The following NRXN3 variants were observed in gnomAD, a reference collection of about 807,000 sequenced individuals.
The protein encoded by NRXN3 is neurexin III.
NRXN3 carries 32 observed loss-of-function variants against 137.6 expected under a neutral mutation model. The observed-to-expected ratio is 0.23, with a 90% CI of 0.18 to 0.31. NRXN3 has a LOEUF of 0.31. Ranked by LOEUF, NRXN3 falls within the 10% of genes least tolerant of loss-of-function variation. The pLI, the probability that NRXN3 is intolerant of heterozygous loss-of-function variation, is 1.00. For missense variants in NRXN3, 1,574 were observed against 2,062.5 expected, an observed-to-expected ratio of 0.76 and a Z score of 4.59; for synonymous variants, 798 against 784.5, an observed-to-expected ratio of 1.02 and a Z score of -0.29.
At chr14:79,498,351 C>A (rs1291560948) in intron 16 of NRXN3, among the ~76,000 whole-genome samples, 3 of 152,110 alleles carry the variant, frequency 2.0e-5, no homozygotes, top group African/African-American at 7.2e-5. Flanking sequence ...ATGATCATTT[C>A]TTTCCTGCTT....
intron 10 of NRXN3, among the ~76,000 whole-genome samples, chr14:78,935,380 TC>T (rs1274915924): frequency 1.3e-4 from 20 of 152,302 alleles, no homozygotes; most frequent in African/African-American, 4.1e-4. Context: ...TATAGAGCCA[TC>T]CCTTGGTATC....
At position 79,656,617 on chromosome 14, in the gene NRXN3, T is replaced by TC. The variant is rs1491176345; in HGVS notation, c.3445-7161_3445-7160insC. ...CTGTCATCCCTACTCTCTCTCTCTCTTTTTTTTTTTTTTTTGCTTGGAGTC... is the reference window on the plus strand; with the variant it reads ...CTGTCATCCCTACTCTCTCTCTCTCTCTTTTTTTTTTTTTTTGCTTGGAGTC... On this transcript the variant is annotated intron_variant, in intron 16 of 20. Coordinates refer to ENST00000335750, the MANE Select transcript of NRXN3 (RefSeq NM_001330195.2). Among the ~76,000 whole-genome samples the TC allele has an allele frequency of 4.7e-3, 389 of 82,898 alleles. 2 individuals are homozygous for TC. The highest frequency in any genetic ancestry group is 0.018 in the African/African-American group (349 of 19,280). 54.4% of individuals were successfully genotyped at this position (82,898 alleles called of 152,430 possible). A position where few individuals can be genotyped will look rare whatever the true frequency, so the allele number is the denominator to read the frequency against.
At chr14:78,465,920 C>T (rs973303170) in intron 4 of NRXN3, among the ~76,000 whole-genome samples, 12 of 151,874 alleles carry the variant, frequency 7.9e-5, no homozygotes, top group Non-Finnish European at 1.2e-4. Flanking sequence ...GACGCGATCT[C>T]GGCTCACTGC....
At chr14:79,606,678 G>A (rs1251943944) in intron 16 of NRXN3, among the ~76,000 whole-genome samples, 2 of 152,152 alleles carry the variant, frequency 1.3e-5, no homozygotes, top group Non-Finnish European at 2.9e-5. Context: ...AATGGGTTGT[G>A]CACAGGTACT....
intron 1 of NRXN3, among the ~76,000 whole-genome samples, chr14:78,228,232 C>G (rs1022835941): frequency 6.6e-6 from 1 of 150,662 alleles, no homozygotes; most frequent in African/African-American, 2.4e-5. Flanking sequence ...TCTCCGCTCA[C>G]TGTAACCTCC....
intron 19 of NRXN3, among the ~76,000 whole-genome samples, chr14:79,800,835 A>G (rs1020777456): frequency 1.1e-4 from 17 of 152,346 alleles, no homozygotes; most frequent in African/African-American, 3.6e-4. Context: ...TTTGAATCCA[A>G]TTGCCATTAA....
At position 79,335,593 on chromosome 14, in the gene NRXN3, C is replaced by G. The variant is rs572059881; in HGVS notation, c.3263-131628C>G. On this transcript the variant is annotated intron_variant, in intron 15 of 20. Coordinates refer to ENST00000335750, the MANE Select transcript of NRXN3 (RefSeq NM_001330195.2). ...TACAAAATATACATATATTTTTCCA[C>G]ATCTGAAGGGTAAAGGAATTGTAAT... Among the ~76,000 whole-genome samples the G allele has an allele frequency of 3.3e-5, 5 of 152,110 alleles. No individual in the cohort carries two copies. The East Asian group carries it at 9.6e-4, about 29-fold the overall frequency.
intron 15 of NRXN3, among the ~76,000 whole-genome samples, chr14:79,250,809 G>A (rs183502484): frequency 9.2e-5 from 14 of 152,292 alleles, no homozygotes; most frequent in Admixed American, 7.2e-4. Context: ...TGCAGTGGTG[G>A]CATTTAAATA....
At chr14:79,384,142 A>G (rs925328262) in intron 15 of NRXN3, among the ~76,000 whole-genome samples, 1 of 152,138 alleles carries the variant, frequency 6.6e-6, no homozygotes, top group African/African-American at 2.4e-5. Flanking sequence ...GGTTCATATA[A>G]CCATTTAACA....
chr14:79,292,238 C>A lies in NRXN3; in HGVS notation c.3263-174983C>A, dbSNP rs564886922. On this transcript the variant is annotated intron_variant, in intron 15 of 20. Coordinates refer to ENST00000335750, the MANE Select transcript of NRXN3 (RefSeq NM_001330195.2). Reference sequence around the variant, plus strand: ...TCAAAACAGCCTTTGGAAACTCACACCAGTTCCAGAATCTGCTGGCAATGA... The same window carrying A: ...TCAAAACAGCCTTTGGAAACTCACAACAGTTCCAGAATCTGCTGGCAATGA... 3.9e-5 allele frequency among the ~76,000 whole-genome samples: 6 copies of A among 152,292 alleles called. No individual in the cohort carries two copies. In the East Asian group the frequency reaches 9.6e-4, roughly 24 times the overall value.
intron 20 of NRXN3, among the ~76,000 whole-genome samples, chr14:79,814,549 A>G (rs1424219360): frequency 6.6e-6 from 1 of 152,246 alleles, no homozygotes; most frequent in Non-Finnish European, 1.5e-5. Flanking sequence ...ACTGATAATT[A>G]TACTCAAACA....
chr14:78,986,187 A>G (rs750496337), intron 14 of NRXN3, among the ~76,000 whole-genome samples: 1 of 152,142 alleles, frequency 6.6e-6, no homozygotes, highest in Non-Finnish European at 1.5e-5. Context: ...GAAACTGTGA[A>G]ATATGCTGTT....
chr14:78,491,975 C>T (rs991052907), intron 4 of NRXN3, among the ~76,000 whole-genome samples: 9 of 152,134 alleles, frequency 5.9e-5, no homozygotes, highest in African/African-American at 1.4e-4. Flanking sequence ...TGCTGAGATT[C>T]GGATTCCGCC....
intron 16 of NRXN3, among the ~76,000 whole-genome samples, chr14:79,624,310 G>A (rs1263002791): frequency 6.6e-6 from 1 of 152,020 alleles, no homozygotes; most frequent in Non-Finnish European, 1.5e-5. Flanking sequence ...CTTTCCATTG[G>A]TTCACAGGAA....
intron 6 of NRXN3, among the ~76,000 whole-genome samples, chr14:78,651,568 TA>T (rs1356081280): frequency 6.6e-6 from 1 of 152,190 alleles, no homozygotes; most frequent in Admixed American, 6.5e-5. Flanking sequence ...GATAAAGACA[TA>T]CCCAAGACTG....
At chr14:79,145,145 G>T (rs989456304) in intron 15 of NRXN3, among the ~76,000 whole-genome samples, 1 of 152,056 alleles carries the variant, frequency 6.6e-6, no homozygotes, top group African/African-American at 2.4e-5. Context: ...AGTATTATGT[G>T]CACGCTTAGT....
chr14:78,421,023 G>A (rs1361181331), intron 4 of NRXN3, among the ~76,000 whole-genome samples: 1 of 152,200 alleles, frequency 6.6e-6, no homozygotes, highest in Non-Finnish European at 1.5e-5. Context: ...CTTAGAAAAT[G>A]TGATTACAAG....
At chr14:78,209,996 A>G (rs528568419) in intron 1 of NRXN3, among the ~76,000 whole-genome samples, 1 of 152,354 alleles carries the variant, frequency 6.6e-6, no homozygotes, top group East Asian at 1.9e-4. Context: ...ATCTGTTTAC[A>G]CTGATGTGTC....
chr14:78,187,781 G>GT (rs58649555), intron 1 of NRXN3, among the ~76,000 whole-genome samples: 43,271 of 133,572 alleles, frequency 0.32, 7,256 homozygotes, highest in East Asian at 0.37. Context: ...GATTTTAGTT[G>GT]TTTTTTTTTT....
Sources: gnomAD v4.1 joint callset for allele counts (sites outside exome capture counted in the v4.1 genomes callset) on GRCh38, gnomAD v4.1.1 for gene constraint, MANE v1.5 for transcripts, NCBI Gene and HGNC (gene_info 2026-07-23, HGNC 2026-07-21) for gene names.